The following ENPP3 variants were observed in gnomAD, a reference collection of about 807,000 sequenced individuals.
ENPP3 encodes the protein ectonucleotide pyrophosphatase/phosphodiesterase 3.
In ENPP3, 104 loss-of-function variants were observed where a neutral mutation model predicts 117.8. The observed-to-expected ratio is 0.88, with a 90% CI of 0.75 to 1.04. The LOEUF (loss-of-function observed/expected upper bound fraction) is 1.04. Among genes scored for constraint, ENPP3 ranks in the 50% least tolerant of loss-of-function variants. The probability of loss-of-function intolerance (pLI) is 0.00; values close to 1 mark genes in which losing one functional copy is unlikely to be tolerated. For synonymous variants in ENPP3, 380 were observed against 349.9 expected (o/e 1.09, Z -0.96); for missense variants, 1,026 against 1,051.9 (o/e 0.98, Z 0.34).
chr6:131,686,282 A>C (rs1476800025), intron 14 of ENPP3, among the ~76,000 whole-genome samples: 1 of 152,170 alleles, frequency 6.6e-6, no homozygotes, highest in Non-Finnish European at 1.5e-5. Flanking sequence ...TTTACAAGTC[A>C]AAAAGATAAT....
intron 14 of ENPP3, among the ~76,000 whole-genome samples, chr6:131,686,693 C>G (rs548178900): frequency 1.6e-4 from 25 of 152,188 alleles, no homozygotes; most frequent in African/African-American, 5.8e-4. Context: ...TCCACAGTGT[C>G]TATTGTTCCC....
At chr6:131,736,476 A>T (rs1453170500) in intron 21 of ENPP3, among the ~76,000 whole-genome samples, 1 of 152,074 alleles carries the variant, frequency 6.6e-6, no homozygotes, top group Non-Finnish European at 1.5e-5. Flanking sequence ...ATCTCGTGAG[A>T]CTTATTCACT....
intron 11 of ENPP3, among the ~76,000 whole-genome samples, chr6:131,680,706 T>C (rs1779005806): frequency 6.6e-6 from 1 of 152,196 alleles, no homozygotes; most frequent in East Asian, 1.9e-4. Flanking sequence ...AAAAAGGCGA[T>C]TTTAGTTTAT....
chr6:131,685,051 T>C (rs1202858244), intron 12 of ENPP3, among the ~76,000 whole-genome samples: 1 of 152,168 alleles, frequency 6.6e-6, no homozygotes, highest in Admixed American at 6.5e-5. Flanking sequence ...CCCAAAGTGT[T>C]AGGATTACAG....
At chr6:131,652,974 A>G (rs1778297610) in intron 5 of ENPP3, 83 bp downstream of exon 5, 1 of 864,780 alleles carries the variant, frequency 1.2e-6, no homozygotes, top group Non-Finnish European at 1.9e-6. Context: ...CGCAGAGAGG[A>G]ATTTCCCCCA....
chr6:131,642,812 A>G (rs1778081067), intron 2 of ENPP3: 1 of 152,080 alleles, frequency 6.6e-6, no homozygotes, highest in Non-Finnish European at 1.5e-5. Context: ...TGCAAGTGAT[A>G]CTCCTGCCTT....
At chr6:131,678,745 T>C (rs989517976) in intron 11 of ENPP3, among the ~76,000 whole-genome samples, 1 of 152,192 alleles carries the variant, frequency 6.6e-6, no homozygotes, top group Non-Finnish European at 1.5e-5. Context: ...ATTCCTAGTA[T>C]AGGGACTTAC....
intron 2 of ENPP3, among the ~76,000 whole-genome samples, chr6:131,644,990 A>AT (rs59327063): frequency 2.0e-5 from 3 of 152,148 alleles, no homozygotes; most frequent in East Asian, 3.9e-4. Context: ...AAATCTACAT[A>AT]TTTTTTTTCT....
At chr6:131,649,477 T>C (rs546758740) in intron 2 of ENPP3, among the ~76,000 whole-genome samples, 1 of 152,284 alleles carries the variant, frequency 6.6e-6, no homozygotes, top group South Asian at 2.1e-4. Flanking sequence ...CAAGACTCAA[T>C]GGTGTCCTTA....
intron 20 of ENPP3, among the ~76,000 whole-genome samples, chr6:131,730,054 T>C (rs1026677822): frequency 2.0e-5 from 3 of 152,220 alleles, no homozygotes; most frequent in African/African-American, 7.2e-5. Flanking sequence ...ATTTTAACTG[T>C]TAAATATAAG....
At chr6:131,652,002 G>GA (rs1320488145) in intron 3 of ENPP3, among the ~76,000 whole-genome samples, 1 of 152,190 alleles carries the variant, frequency 6.6e-6, no homozygotes, top group African/African-American at 2.4e-5. Context: ...GGGATTTATT[G>GA]AAACTGTTCT....
At chr6:131,687,173 C>T (rs903616512) in intron 14 of ENPP3, among the ~76,000 whole-genome samples, 23 of 152,088 alleles carry the variant, frequency 1.5e-4, no homozygotes, top group Non-Finnish European at 1.6e-4. Context: ...CTCACCATAG[C>T]GTCTATTGTT....
chr6:131,696,373 C>G (rs916624398), intron 15 of ENPP3, among the ~76,000 whole-genome samples: 1 of 152,162 alleles, frequency 6.6e-6, no homozygotes, highest in Admixed American at 6.5e-5. Context: ...ACTAGAACCA[C>G]GTACAAGGCT....
chr6:131,665,515 C>T (rs1233142470), intron 6 of ENPP3, among the ~76,000 whole-genome samples: 2 of 151,984 alleles, frequency 1.3e-5, no homozygotes, highest in Non-Finnish European at 2.9e-5. Flanking sequence ...GTAGGTTATT[C>T]AGTTTGTTGG....
intron 15 of ENPP3, among the ~76,000 whole-genome samples, chr6:131,708,317 TC>T (rs1402597839): frequency 6.8e-6 from 1 of 147,222 alleles, no homozygotes; most frequent in Non-Finnish European, 1.5e-5. Context: ...ATTTAAAGCC[TC>T]CTCACCTGCA....
intron 16 of ENPP3, among the ~76,000 whole-genome samples, chr6:131,719,046 T>C (rs1356505585): frequency 6.6e-6 from 1 of 152,070 alleles, no homozygotes; most frequent in East Asian, 1.9e-4. Flanking sequence ...AATACATTAT[T>C]TGTTATGTCA....
At chr6:131,654,208 A>C (rs1479716205) in intron 5 of ENPP3, among the ~76,000 whole-genome samples, 1 of 151,838 alleles carries the variant, frequency 6.6e-6, no homozygotes, top group Non-Finnish European at 1.5e-5. Context: ...ATCATAGCTC[A>C]CTGCAGCCTC....
chr6:131,691,095 C>T (rs887478794), intron 14 of ENPP3, among the ~76,000 whole-genome samples: 2 of 151,926 alleles, frequency 1.3e-5, no homozygotes, highest in African/African-American at 2.4e-5. Context: ...TACAAAGGCC[C>T]AAAGAAATGG....
chr6:131,736,148 C>T (rs1780392358), intron 21 of ENPP3, among the ~76,000 whole-genome samples: 2 of 152,178 alleles, frequency 1.3e-5, no homozygotes, highest in Admixed American at 1.3e-4. Context: ...GCTGGGGTTC[C>T]CACTTGGGCT....
Sources: gnomAD v4.1 joint callset for allele counts (sites outside exome capture counted in the v4.1 genomes callset) on GRCh38, gnomAD v4.1.1 for gene constraint, MANE v1.5 for transcripts, NCBI Gene and HGNC (gene_info 2026-07-23, HGNC 2026-07-21) for gene names.